The following OPRM1 variants were observed in gnomAD, a reference collection of about 807,000 sequenced individuals.
The protein encoded by OPRM1 is opioid receptor mu 1.
A neutral mutation model predicts 31.8 loss-of-function variants in OPRM1; 27 were observed. That is an observed-to-expected ratio of 0.85 (90% CI 0.63 to 1.17). OPRM1 has a LOEUF of 1.17. Among genes scored for constraint, OPRM1 ranks in the 50% most tolerant of loss-of-function variants. The probability of loss-of-function intolerance (pLI) is 0.00; values close to 1 mark genes in which losing one functional copy is unlikely to be tolerated. For synonymous variants in OPRM1, 196 were observed against 189.9 expected (o/e 1.03, Z -0.26); for missense variants, 536 against 511.1 (o/e 1.05, Z -0.47).
At chr6:154,199,786 G>A in intron 3 of OPRM1, 1 of 1,614,196 alleles carries the variant, frequency 6.2e-7, no homozygotes, top group South Asian at 1.1e-5. Flanking sequence ...TTTCTGATGT[G>A]ACAAAACTGT....
At chr6:154,217,898 T>C (rs1457030509) in intron 3 of OPRM1, among the ~76,000 whole-genome samples, 1 of 152,116 alleles carries the variant, frequency 6.6e-6, no homozygotes, top group Non-Finnish European at 1.5e-5. Context: ...CTCCCAAACA[T>C]GGAAATAGAG....
At chr6:154,167,849 A>C in intron 3 of OPRM1, 3 of 1,162,300 alleles carry the variant, frequency 2.6e-6, no homozygotes, top group Middle Eastern at 4.3e-4. Context: ...ATTAGCAAGA[A>C]TCTCTCTGCA....
chr6:154,177,474 C>A (rs6932123), intron 3 of OPRM1, among the ~76,000 whole-genome samples: 53,082 of 152,016 alleles, frequency 0.35, 9,641 homozygotes, highest in Middle Eastern at 0.47. Flanking sequence ...AGAAAGTGGG[C>A]AAAGGACATG....
At chr6:154,163,414 C>A (rs1282685680) in intron 3 of OPRM1, among the ~76,000 whole-genome samples, 3 of 152,204 alleles carry the variant, frequency 2.0e-5, no homozygotes, top group African/African-American at 7.2e-5. Flanking sequence ...TTCAAAGAGG[C>A]CTTTCATGTC....
intron 1 of OPRM1, among the ~76,000 whole-genome samples, chr6:154,066,987 C>T (rs928145918): frequency 1.1e-4 from 17 of 152,038 alleles, no homozygotes; most frequent in African/African-American, 3.6e-4. Context: ...CTCTTGTAAA[C>T]ATTTTATTTA....
At chr6:154,134,470 T>C (rs1242697611), downstream of OPRM1, among the ~76,000 whole-genome samples, 1 of 152,168 alleles carries the variant, frequency 6.6e-6, no homozygotes, top group African/African-American at 2.4e-5. Flanking sequence ...GCAGATACAA[T>C]GGCCCTGGTT....
At chr6:154,033,613 T>G (rs1354543533) in intron 1 of OPRM1, among the ~76,000 whole-genome samples, 1 of 152,166 alleles carries the variant, frequency 6.6e-6, no homozygotes, top group South Asian at 2.1e-4. Context: ...TACACTTTTT[T>G]TGTGAGTATT....
Position 154,091,414 on chromosome 6 carries a change from G to A in OPRM1, c.1106G>A (p.Arg369His), listed in dbSNP as rs199984546. The A allele has an allele frequency of 5.9e-5, 96 of 1,613,788 alleles. No homozygotes were observed. Among genetic ancestry groups the A allele is most frequent in the South Asian group, 4.4e-4 (40 of 91,078 alleles). Residue 369 changes from arginine (R) to histidine (H), a missense_variant, in exon 3 of 4, where the codon CGT becomes CAT. Physicochemically the swap from Arg to His is conservative, Grantham distance 29. Coordinates refer to ENST00000330432, the MANE Select transcript of OPRM1 (RefSeq NM_000914.5). ...GAGCAACAAAACTCCACTCGAATTC[G>A]TCAGAACACTAGAGACCACCCCTCC... ...NIEQQNSTRI[R>H]QNTRDHPSTA...
At chr6:154,140,744 C>A (rs560063637) in intron 3 of OPRM1, among the ~76,000 whole-genome samples, 9 of 152,170 alleles carry the variant, frequency 5.9e-5, no homozygotes, top group Non-Finnish European at 1.3e-4. Flanking sequence ...ACAGAGGGCA[C>A]CCTGCCTACA....
chr6:154,038,424 G>A (rs1045239067), upstream of OPRM1, among the ~76,000 whole-genome samples: 1 of 152,066 alleles, frequency 6.6e-6, no homozygotes, highest in African/African-American at 2.4e-5. Context: ...ATTCAAAAAC[G>A]TATCCATGTT....
In OPRM1 at chr6:154,237,418, A is replaced by G. The variant is rs77362759; in HGVS notation, c.1165-9275A>G. Among the ~76,000 whole-genome samples the G allele has an allele frequency of 2.9e-3, 440 of 152,350 alleles. 2 individuals carry two copies. The highest frequency in any genetic ancestry group is 0.01 in the African/African-American group (426 of 41,582). On this transcript the variant is annotated intron_variant, in intron 3 of 3. Coordinates refer to the OPRM1 transcript ENST00000337049. ...TTTTGGACTTTCTTACACAGGACAG[A>G]TCATAGTCACTGAGAAAAACCATTC... is the stretch of plus-strand genomic sequence containing the variant.
chr6:154,246,463 C>T, intron 3 of OPRM1: 2 of 1,124,472 alleles, frequency 1.8e-6, no homozygotes, highest in Non-Finnish European at 2.5e-6. Flanking sequence ...GCTTCTATAA[C>T]TTATTTGTTT....
In OPRM1 at chr6:154,091,086, C is replaced by T. The variant is rs199666956; in HGVS notation, c.778C>T (p.Arg260Cys). ...CGTGTGCTATGGACTGATGATCTTG[C>T]GCCTCAAGAGTGTCCGCATGCTCTC... ...ITVCYGLMIL[R>C]LKSVRMLSGS... Residue 260 changes from arginine to cysteine, a missense_variant, in exon 3 of 4, where the codon CGC becomes TGC. Transcript: ENST00000330432. The T allele has an allele frequency of 3.1e-4, 508 of 1,614,002 alleles. No individual in the cohort carries two copies. The highest frequency in any genetic ancestry group is 4.1e-4 in the African/African-American group (31 of 74,900).
At chr6:154,110,398 A>C (rs1162633652) in intron 3 of OPRM1, 11 of 1,510,010 alleles carry the variant, frequency 7.3e-6, no homozygotes, top group Admixed American at 2.0e-5. Flanking sequence ...AACTGTGAGC[A>C]TACCAAGGGC....
chr6:154,056,540 A>G (rs771949108), intron 1 of OPRM1, among the ~76,000 whole-genome samples: 3 of 151,768 alleles, frequency 2.0e-5, no homozygotes, highest in Admixed American at 6.6e-5. Flanking sequence ...TTCCTAACTC[A>G]GGACAGTAAA....
intron 3 of OPRM1, among the ~76,000 whole-genome samples, chr6:154,243,673 C>T (rs1199922698): frequency 6.6e-6 from 1 of 152,154 alleles, no homozygotes; most frequent in African/African-American, 2.4e-5. Context: ...AGGCAGAAAA[C>T]AGGGTGGTCT....
chr6:154,076,188 T>G (rs548145494), intron 1 of OPRM1, among the ~76,000 whole-genome samples: 32 of 152,244 alleles, frequency 2.1e-4, no homozygotes, highest in African/African-American at 7.0e-4. Flanking sequence ...GGAAGAAAAT[T>G]TCAGAGATCA....
At chr6:154,022,588 G>A (rs111820385) in intron 1 of OPRM1, among the ~76,000 whole-genome samples, 4,291 of 152,002 alleles carry the variant, frequency 0.028, 192 homozygotes, top group African/African-American at 0.099. Flanking sequence ...TTTTGCTTTG[G>A]TTTCTTGTGC....
chr6:154,039,226 A>G (rs1446108001), upstream of OPRM1: 1 of 1,551,296 alleles, frequency 6.4e-7, no homozygotes, highest in Admixed American at 2.0e-5. Context: ...CGCAAAATCC[A>G]CCCCTTTTCC....
Sources: allele counts gnomAD v4.1 joint callset (sites outside exome capture counted in the v4.1 genomes callset), GRCh38; gene constraint gnomAD v4.1.1; transcripts MANE v1.5; gene names NCBI Gene and HGNC (gene_info 2026-07-23, HGNC 2026-07-21).